The following COL21A1 variants were observed in gnomAD, a reference collection of about 807,000 sequenced individuals.
COL21A1 encodes the protein collagen alpha-1(XXI) chain.
COL21A1 carries 149 observed loss-of-function variants against 137.9 expected under a neutral mutation model. The observed-to-expected ratio is 1.08, with a 90% CI of 0.95 to 1.24. The LOEUF (loss-of-function observed/expected upper bound fraction) is 1.24. Ranked by LOEUF, COL21A1 falls within the 50% of genes most tolerant of loss-of-function variation. COL21A1 has a pLI of 0.00. For synonymous variants in COL21A1, 456 were observed against 391.5 expected, an observed-to-expected ratio of 1.16 and a Z score of -1.95; for missense variants, 1,167 against 1,158.4, an observed-to-expected ratio of 1.01 and a Z score of -0.11.
chr6:56,107,109 A>T (rs1582373696), intron 16 of COL21A1, among the ~76,000 whole-genome samples: 1 of 152,198 alleles, frequency 6.6e-6, no homozygotes, highest in South Asian at 2.1e-4. Flanking sequence ...TAGTTAAAAA[A>T]TTCAGAATAA....
intron 3 of COL21A1, among the ~76,000 whole-genome samples, chr6:56,179,219 A>C (rs1777713121): frequency 6.6e-6 from 1 of 152,172 alleles, no homozygotes; most frequent in Admixed American, 6.5e-5. Flanking sequence ...AAACTCATTA[A>C]CGGGGTGATA....
chr6:56,168,029 T>A (rs1582540050), intron 6 of COL21A1, 95 bp downstream of exon 6: 1 of 851,082 alleles, frequency 1.2e-6, no homozygotes, highest in East Asian at 2.8e-5. Context: ...AATTCATAAG[T>A]ATGTTAAATA....
At chr6:56,324,297 C>G (rs1299100555) in intron 1 of COL21A1, among the ~76,000 whole-genome samples, 1 of 152,054 alleles carries the variant, frequency 6.6e-6, no homozygotes, top group Non-Finnish European at 1.5e-5. Flanking sequence ...GCAGAGCAAG[C>G]CTTTCCTTCC....
At chr6:56,158,266 CTTTTT>C (rs67453245) in intron 9 of COL21A1, among the ~76,000 whole-genome samples, 17 of 62,406 alleles carry the variant, frequency 2.7e-4, no homozygotes, top group African/African-American at 1.1e-3. Flanking sequence ...TTTTTTTTTT[CTTTTT>C]TTTTTTTTTT....
intron 16 of COL21A1, among the ~76,000 whole-genome samples, chr6:56,118,932 A>T (rs188795108): frequency 6.0e-4 from 91 of 152,218 alleles, no homozygotes; most frequent in Non-Finnish European, 9.9e-4. Context: ...ATACCTCAAC[A>T]TAATAAAGGC....
chr6:56,370,953 G>C (rs1455453637), intron 1 of COL21A1, among the ~76,000 whole-genome samples: 6 of 152,162 alleles, frequency 3.9e-5, no homozygotes, highest in Non-Finnish European at 2.9e-5. Flanking sequence ...TTTCTAATCA[G>C]GTTAATATAT....
At chr6:56,318,611 C>T (rs914675720) in intron 1 of COL21A1, among the ~76,000 whole-genome samples, 1 of 152,024 alleles carries the variant, frequency 6.6e-6, no homozygotes, top group African/African-American at 2.4e-5. Flanking sequence ...ATGTTCTCTG[C>T]CTTCATTCCT....
chr6:56,164,133 T>C (rs2152267267), intron 9 of COL21A1, among the ~76,000 whole-genome samples: 1 of 152,324 alleles, frequency 6.6e-6, no homozygotes, highest in East Asian at 1.9e-4. Context: ...TAAGGAAGTA[T>C]TGTTCTTGGG....
chr6:56,360,798 A>T (rs1459369114), intron 1 of COL21A1, among the ~76,000 whole-genome samples: 1 of 152,092 alleles, frequency 6.6e-6, no homozygotes, highest in Non-Finnish European at 1.5e-5. Flanking sequence ...AGAATATTGG[A>T]TTTAAATATT....
chr6:56,290,569 G>A (rs182110881), intron 1 of COL21A1, among the ~76,000 whole-genome samples: 12 of 142,850 alleles, frequency 8.4e-5, no homozygotes, highest in South Asian at 4.5e-4. Context: ...GCATGATCTC[G>A]GCTCACTGCA....
rs778596492 is a variant in COL21A1, at chr6:56,170,897, G to A, written c.810-32C>T. ...AAAGAAGAGCAAGTGTAAGCTTAAA[G>A]AATTCTTGACATGTCCACAGACATA... On this transcript the variant is annotated intron_variant, in intron 4 of 29. Transcript: ENST00000244728. The A allele has an allele frequency of 5.0e-6, 8 of 1,600,288 alleles. No individual in the cohort carries two copies. The Admixed American group carries it at 6.8e-5, about 14-fold the overall frequency.
At chr6:56,099,742 C>T (rs997287861) in intron 17 of COL21A1, among the ~76,000 whole-genome samples, 1 of 151,988 alleles carries the variant, frequency 6.6e-6, no homozygotes, top group Admixed American at 6.6e-5. Context: ...TAATCACACC[C>T]AGTCTTATAT....
chr6:56,329,967 T>A (rs557917689), intron 1 of COL21A1, among the ~76,000 whole-genome samples: 12 of 152,250 alleles, frequency 7.9e-5, no homozygotes, highest in Non-Finnish European at 1.6e-4. Context: ...GACCATGAAG[T>A]ATCATACCAC....
chr6:56,151,849 G>C (rs1414988802), intron 10 of COL21A1, among the ~76,000 whole-genome samples: 1 of 152,126 alleles, frequency 6.6e-6, no homozygotes, highest in Non-Finnish European at 1.5e-5. Flanking sequence ...ACCCTCAGCT[G>C]TTTTGGCTCC....
intron 9 of COL21A1, among the ~76,000 whole-genome samples, chr6:56,161,298 A>G (rs1056216337): frequency 2.0e-5 from 3 of 152,174 alleles, no homozygotes; most frequent in African/African-American, 7.2e-5. Flanking sequence ...AATACATCTA[A>G]CGTTTCAGGT....
intron 1 of COL21A1, among the ~76,000 whole-genome samples, chr6:56,183,697 C>G (rs1236584558): frequency 6.6e-6 from 1 of 152,044 alleles, no homozygotes; most frequent in Non-Finnish European, 1.5e-5. Context: ...TATTCCTGAT[C>G]AGGAGAAAAA....
chr6:56,106,998 A>G (rs1389391749), intron 16 of COL21A1, among the ~76,000 whole-genome samples: 3 of 152,124 alleles, frequency 2.0e-5, no homozygotes, highest in Admixed American at 6.5e-5. Context: ...CGTGTTAGCC[A>G]GGAGGGTCTC....
In COL21A1 at chr6:56,097,868, T is replaced by TATATATAAATATATAA. The variant is rs1485379707; in HGVS notation, c.1812+3603_1812+3604insTTATATATTTATATAT. Among the ~76,000 whole-genome samples, 4 of 86,270 alleles carry TATATATAAATATATAA rather than the reference T, an allele frequency of 4.6e-5. 1 individual carries two copies. Among genetic ancestry groups the TATATATAAATATATAA allele is most frequent in the Admixed American group, 1.7e-4 (1 of 5,952 alleles). 56.6% of individuals were successfully genotyped at this position (86,270 alleles called of 152,430 possible). A position where few individuals can be genotyped will look rare whatever the true frequency, so the allele number is the denominator to read the frequency against. On this transcript the variant is annotated intron_variant, in intron 17 of 29. Transcript: ENST00000244728. The stretch of plus-strand genomic sequence containing the variant: ...ATAAATATATATAAATATATAAAAA[T>TATATATAAATATATAA]ATCTATAAATATATAAATATATATA...
chr6:56,276,780 G>T, intron 1 of COL21A1: 1 of 1,148,778 alleles, frequency 8.7e-7, no homozygotes, highest in Non-Finnish European at 1.3e-6. Context: ...TGCTAATTCT[G>T]GTTGTTCAGT....
Sources: gnomAD v4.1 joint callset for allele counts (sites outside exome capture counted in the v4.1 genomes callset) on GRCh38, gnomAD v4.1.1 for gene constraint, MANE v1.5 for transcripts, NCBI Gene and HGNC (gene_info 2026-07-23, HGNC 2026-07-21) for gene names.